NAA16: variants seen among roughly 807,000 people sequenced by gnomAD.
NAA16 encodes NARG1-like protein.
Under a neutral mutation model 110.3 loss-of-function variants are expected in NAA16, and 97 were observed. The ratio of observed to expected loss-of-function variants is 0.88; its 90% confidence interval spans 0.75 to 1.04. The LOEUF is 1.04. Ranked by LOEUF, NAA16 falls within the 50% of genes least tolerant of loss-of-function variation. The probability of loss-of-function intolerance (pLI) is 0.00; values close to 1 mark genes in which losing one functional copy is unlikely to be tolerated. For missense variants in NAA16, 1,017 were observed against 1,005.1 expected (o/e 1.01, Z -0.16); for synonymous variants, 372 against 330.6 (o/e 1.13, Z -1.36).
chr13:41,360,472 A>G (rs1235545455), intron 12 of NAA16, among the ~76,000 whole-genome samples: 1 of 152,198 alleles, frequency 6.6e-6, no homozygotes, highest in Non-Finnish European at 1.5e-5. Flanking sequence ...TGACACTGGG[A>G]TGCGTCTTTA....
At chr13:41,311,744 C>G (rs1027019324) in intron 1 of NAA16, among the ~76,000 whole-genome samples, 162 bp downstream of exon 1, 4 of 152,344 alleles carry the variant, frequency 2.6e-5, no homozygotes, top group African/African-American at 9.6e-5. Flanking sequence ...CCGCTCCGGC[C>G]GGCCCACGGG....
intron 9 of NAA16, among the ~76,000 whole-genome samples, chr13:41,338,217 G>T (rs2042435324): frequency 6.6e-6 from 1 of 152,188 alleles, no homozygotes; most frequent in Admixed American, 6.5e-5. Context: ...ATGTGAATTA[G>T]AGTACTTCTT....
At chr13:41,337,956 A>T (rs916488703) in intron 9 of NAA16, among the ~76,000 whole-genome samples, 2 of 149,998 alleles carry the variant, frequency 1.3e-5, no homozygotes, top group Non-Finnish European at 2.9e-5. Context: ...CATTTATGTT[A>T]AAAAAAACAA....
Position 41,311,708 on chromosome 13 carries a change from C to T in NAA16, c.54+126C>T, listed in dbSNP as rs1027790827. On this transcript the variant is annotated intron_variant, in intron 1 of 19. Coordinates refer to ENST00000379406, the MANE Select transcript of NAA16 (RefSeq NM_024561.5). Reference sequence around the variant, plus strand: ...CCGCTGCCCACCGCTCTTTGTTTACCTCGGAGGTCGCGGGACCCCACTTTC... The same window carrying T: ...CCGCTGCCCACCGCTCTTTGTTTACTTCGGAGGTCGCGGGACCCCACTTTC... 4.0e-5 allele frequency: 35 copies of T among 881,256 alleles called. No individual in the cohort carries two copies. The African/African-American group carries it at 4.6e-4, about 12-fold the overall frequency. The allele number at this position is 881,256 out of a possible 1,614,324, so 54.6% of individuals were successfully genotyped here.
At chr13:41,325,938 T>C (rs2042083103) in intron 6 of NAA16, 87 bp downstream of exon 6, 4 of 1,060,578 alleles carry the variant, frequency 3.8e-6, no homozygotes, top group Non-Finnish European at 5.2e-6. Context: ...TACGTAACAG[T>C]TGTTATGTAT....
chr13:41,375,836 A>G lies in NAA16; in HGVS notation c.*234A>G, dbSNP rs904791980. 1.7e-5 allele frequency: 6 copies of G among 358,014 alleles called. No homozygotes were observed. The highest frequency in any genetic ancestry group is 1.5e-3 in the Middle Eastern group (2 of 1,378). 22.2% of individuals were successfully genotyped at this position (358,014 alleles called of 1,614,324 possible). A position where few individuals can be genotyped will look rare whatever the true frequency, so the allele number is the denominator to read the frequency against. The stretch of plus-strand genomic sequence containing the variant: ...GTGGTAGCTCCGATCGCTTCTGTAT[A>G]ATTATAATTTCTTACTAAGCTAAGT... On this transcript the variant is annotated 3_prime_UTR_variant, in exon 20 of 20. Coordinates refer to ENST00000379406, the MANE Select transcript of NAA16 (RefSeq NM_024561.5).
chr13:41,369,773 T>C (rs1042823949), intron 15 of NAA16, among the ~76,000 whole-genome samples: 1 of 151,642 alleles, frequency 6.6e-6, no homozygotes, highest in Non-Finnish European at 1.5e-5. Flanking sequence ...AGCTAAGGAG[T>C]GTGGGCAGTC....
intron 9 of NAA16, among the ~76,000 whole-genome samples, chr13:41,338,099 A>G (rs897854518): frequency 6.6e-6 from 1 of 152,174 alleles, no homozygotes; most frequent in East Asian, 1.9e-4. Flanking sequence ...CCTGCCAATA[A>G]TTTCTCTAGA....
intron 14 of NAA16, among the ~76,000 whole-genome samples, chr13:41,368,852 TGAAA>T (rs1488608152): frequency 6.6e-6 from 1 of 152,040 alleles, no homozygotes; most frequent in East Asian, 1.9e-4. Context: ...AAAAGGAAGG[TGAAA>T]GATTTAAAGC....
At chr13:41,342,418 G>A (rs560849674) in intron 9 of NAA16, among the ~76,000 whole-genome samples, 1 of 152,198 alleles carries the variant, frequency 6.6e-6, no homozygotes. Flanking sequence ...GGTTACAGAC[G>A]TGAACCATCG....
Position 41,367,458 on chromosome 13 carries a change from A to G in NAA16, c.1559A>G (p.Asp520Gly), listed in dbSNP as rs1359797032. ...TTTAAGCATTTTTTTGAGATAACTG[A>G]TGACCAATTCGACTTCCATACATAC... ...EVERHFFEIT[D>G]DQFDFHTYCM... is the part of the protein sequence containing the mutation. Residue 520 changes from aspartate (D) to glycine (G), a missense_variant, in exon 14 of 20, where the codon GAT (aspartate) becomes GGT (glycine). Coordinates refer to ENST00000379406, the MANE Select transcript of NAA16 (RefSeq NM_024561.5). 7 of 1,601,440 alleles carry G rather than the reference A, an allele frequency of 4.4e-6. No individual in the cohort carries two copies. Among genetic ancestry groups the G allele is most frequent in the Non-Finnish European group, 5.1e-6 (6 of 1,172,448 alleles).
intron 13 of NAA16, 45 bp downstream of exon 13, chr13:41,362,204 A>G (rs1428769705): frequency 1.3e-6 from 2 of 1,555,624 alleles, no homozygotes; most frequent in Non-Finnish European, 1.7e-6. Context: ...GTAAGGTGAT[A>G]AAAAGCAGGT....
intron 14 of NAA16, 45 bp downstream of exon 14, chr13:41,367,697 T>G (rs1212254146): frequency 1.5e-6 from 2 of 1,304,622 alleles, no homozygotes; most frequent in Non-Finnish European, 2.1e-6. Context: ...ACACTAAATT[T>G]CAGAATGCCA....
chr13:41,372,724 T>C lies in NAA16; in HGVS notation c.2057-8T>C, dbSNP rs1277926480. On this transcript the variant is annotated splice_region_variant and splice_polypyrimidine_tract_variant and intron_variant, in intron 16 of 19. Coordinates refer to ENST00000379406, the MANE Select transcript of NAA16 (RefSeq NM_024561.5). The stretch of plus-strand genomic sequence containing the variant: ...AATGCTATTACTTTTGTATTTTTTC[T>C]GACACAGGAAAGTTTCTGTTAATGC... 1.9e-6 allele frequency: 3 copies of C among 1,585,954 alleles called. No homozygotes were observed. Among genetic ancestry groups the C allele is most frequent in the Non-Finnish European group, 2.6e-6 (3 of 1,164,136 alleles).
intron 13 of NAA16, among the ~76,000 whole-genome samples, chr13:41,366,785 A>G: frequency 6.8e-6 from 1 of 146,788 alleles, no homozygotes; most frequent in East Asian, 2.0e-4. Context: ...AAAATACATT[A>G]TTTGATCCTT....
At chr13:41,344,666 T>G (rs140710226) in intron 9 of NAA16, among the ~76,000 whole-genome samples, 1 of 152,236 alleles carries the variant, frequency 6.6e-6, no homozygotes, top group Non-Finnish European at 1.5e-5. Flanking sequence ...GTAGGATGTT[T>G]AGCAAACTCC....
At chr13:41,355,273 G>A (rs1004039205) in intron 10 of NAA16, 57 bp downstream of exon 10, 1 of 1,083,966 alleles carries the variant, frequency 9.2e-7, no homozygotes, top group Non-Finnish European at 1.4e-6. Flanking sequence ...TTTAATCACA[G>A]TAATGCTCTT....
rs202161918 is a variant in NAA16 at position 41,311,497 on chromosome 13, C to G, written c.-32C>G. ...CGGAGCGCCCGGGCACCTAGCCTCC[C>G]TGCCGGCCACCTAGCCTCCCTGCCG... is the stretch of plus-strand genomic sequence containing the variant. On this transcript the variant is annotated 5_prime_UTR_variant, in exon 1 of 20. Coordinates refer to ENST00000379406, the MANE Select transcript of NAA16 (RefSeq NM_024561.5). 1.3e-6 allele frequency: 2 copies of G among 1,576,410 alleles called. No homozygotes were observed. Among genetic ancestry groups the G allele is most frequent in the East Asian group, 2.3e-5 (1 of 42,940 alleles).
intron 2 of NAA16, among the ~76,000 whole-genome samples, chr13:41,317,361 C>T (rs184577965): frequency 2.6e-5 from 4 of 151,802 alleles, no homozygotes; most frequent in East Asian, 1.9e-4. Flanking sequence ...TATGTGCTGA[C>T]GTTTACATAT....
Sources: gnomAD v4.1 joint callset for allele counts (sites outside exome capture counted in the v4.1 genomes callset) on GRCh38, gnomAD v4.1.1 for gene constraint, MANE v1.5 for transcripts, NCBI Gene and HGNC (gene_info 2026-07-23, HGNC 2026-07-21) for gene names.